Variants in RPSA2 observed in about 807,000 individuals in gnomAD.
RPSA2 encodes the protein small ribosomal subunit protein uS2B.
chr19:23,798,854 AGC>A, the RPSA2 span: 1 of 422 alleles, frequency 2.4e-3, no homozygotes, highest in East Asian at 0.25. Flanking sequence ...AAACTGTAGT[AGC>A]TCTCCAGTTA....
chr19:23,865,321 C>T, the RPSA2 span, among the ~76,000 whole-genome samples: 2 of 152,326 alleles, frequency 1.3e-5, no homozygotes, highest in South Asian at 2.1e-4. Context: ...AATTCACAGA[C>T]ATTAGCTAAA....
At chr19:23,769,599 C>T in the RPSA2 span, among the ~76,000 whole-genome samples, 2 of 152,208 alleles carry the variant, frequency 1.3e-5, no homozygotes, top group Admixed American at 6.5e-5. Context: ...CTGCCTTGAC[C>T]TCCCAAAGTG....
At chr19:23,854,698 A>G in the RPSA2 span, among the ~76,000 whole-genome samples, 1 of 152,200 alleles carries the variant, frequency 6.6e-6, no homozygotes, top group Non-Finnish European at 1.5e-5. Flanking sequence ...TTAAGTTTTT[A>G]ACAATGCAAT....
chr19:23,806,317 A>G, the RPSA2 span, among the ~76,000 whole-genome samples: 1 of 151,970 alleles, frequency 6.6e-6, no homozygotes. Flanking sequence ...TGCTGGGATT[A>G]TAGGCATGAG....
chr19:23,771,501 C>T, the RPSA2 span, among the ~76,000 whole-genome samples: 1 of 152,210 alleles, frequency 6.6e-6, no homozygotes, highest in African/African-American at 2.4e-5. Context: ...CATACCTCCA[C>T]CTTCATCCAG....
the RPSA2 span, among the ~76,000 whole-genome samples, chr19:23,789,653 GCT>G: frequency 1.3e-5 from 2 of 151,862 alleles, no homozygotes; most frequent in Admixed American, 6.5e-5. Context: ...ATTGTATAAA[GCT>G]CTCGGGTGGC....
chr19:23,761,052 G>GTGTATA, the RPSA2 span, among the ~76,000 whole-genome samples: 2,136 of 148,048 alleles, frequency 0.014, 65 homozygotes, highest in African/African-American at 0.049. Context: ...GTATATATGT[G>GTGTATA]TATATATATA....
At chr19:23,808,103 C>A in the RPSA2 span, among the ~76,000 whole-genome samples, 1 of 152,042 alleles carries the variant, frequency 6.6e-6, no homozygotes, top group Non-Finnish European at 1.5e-5. Flanking sequence ...TCATCTTGAC[C>A]TGAACTTTCC....
At chr19:23,844,090 A>T in the RPSA2 span, among the ~76,000 whole-genome samples, 6 of 152,144 alleles carry the variant, frequency 3.9e-5, no homozygotes, top group Non-Finnish European at 7.3e-5. Flanking sequence ...TAGGAATCTT[A>T]ACAGATTTGA....
chr19:23,861,433 C>T, the RPSA2 span, among the ~76,000 whole-genome samples: 4 of 152,114 alleles, frequency 2.6e-5, no homozygotes, highest in Non-Finnish European at 5.9e-5. Flanking sequence ...AGAATCCATG[C>T]CCACCATTTT....
the RPSA2 span, among the ~76,000 whole-genome samples, chr19:23,867,616 G>A: frequency 6.6e-6 from 1 of 152,106 alleles, no homozygotes; most frequent in Non-Finnish European, 1.5e-5. Context: ...GGATCATGAG[G>A]TCAGGAGATC....
At chr19:23,782,297 G>GA in the RPSA2 span, 71 of 152,246 alleles carry the variant, frequency 4.7e-4, no homozygotes, top group African/African-American at 1.7e-3. Context: ...GTTCTGCTTA[G>GA]AAAAGAGATT....
the RPSA2 span, among the ~76,000 whole-genome samples, chr19:23,772,142 A>G: frequency 6.6e-6 from 1 of 152,210 alleles, no homozygotes; most frequent in Non-Finnish European, 1.5e-5. Context: ...AAGATGTGAC[A>G]TTTCTTGCCT....
At chr19:23,825,677 C>T in the RPSA2 span, among the ~76,000 whole-genome samples, 78,188 of 151,926 alleles carry the variant, frequency 0.51, 20,564 homozygotes, top group South Asian at 0.62. Flanking sequence ...ACTTCTGCCT[C>T]CTGGGTTGAA....
At chr19:23,780,503 C>T in the RPSA2 span, among the ~76,000 whole-genome samples, 148,825 of 152,148 alleles carry the variant, frequency 0.98, 72,879 homozygotes, top group Middle Eastern at 1. Flanking sequence ...ATTAGCCAGG[C>T]GAGGTGGTGG....
the RPSA2 span, among the ~76,000 whole-genome samples, chr19:23,850,547 CAG>C: frequency 6.7e-6 from 1 of 150,140 alleles, no homozygotes; most frequent in Non-Finnish European, 1.5e-5. Flanking sequence ...GTCTCTGACA[CAG>C]ACGTCTTTTC....
chr19:23,766,333 TA>T, the RPSA2 span, among the ~76,000 whole-genome samples: 2 of 151,726 alleles, frequency 1.3e-5, no homozygotes, highest in African/African-American at 4.8e-5. Context: ...GTGTACCCTT[TA>T]AAAAATTATT....
At chr19:23,832,857 T>C in the RPSA2 span, 1 of 1,580,840 alleles carries the variant, frequency 6.3e-7, no homozygotes. Flanking sequence ...TTACTACACA[T>C]AAGAGAATTC....
At chr19:23,815,129 C>A in the RPSA2 span, among the ~76,000 whole-genome samples, 3 of 152,164 alleles carry the variant, frequency 2.0e-5, no homozygotes, top group Admixed American at 2.0e-4. Flanking sequence ...TAGGCGTGAG[C>A]TACACCACCC....
Sources: gnomAD v4.1 joint callset for allele counts (sites outside exome capture counted in the v4.1 genomes callset) on GRCh38, gnomAD v4.1.1 for gene constraint, MANE v1.5 for transcripts, NCBI Gene and HGNC (gene_info 2026-07-23, HGNC 2026-07-21) for gene names.